Variants in RBM20 observed in about 807,000 individuals in gnomAD.
RBM20 encodes the protein RNA-binding protein 20.
RBM20 carries 51 observed loss-of-function variants against 110.1 expected under a neutral mutation model. The ratio of observed to expected loss-of-function variants is 0.46; its 90% CI spans 0.37 to 0.59. The LOEUF (loss-of-function observed/expected upper bound fraction) is 0.59, where lower values mean the gene tolerates loss of function less well. Ranked by LOEUF, RBM20 falls within the 20% of genes least tolerant of loss-of-function variation. The pLI is 0.00. For missense variants in RBM20, 1,512 were observed against 1,574.9 expected, an observed-to-expected ratio of 0.96 and a Z score of 0.68; for synonymous variants, 589 against 618.2, an observed-to-expected ratio of 0.95 and a Z score of 0.70.
At chr10:110,768,552 A>T (rs1264209312) in intron 1 of RBM20, among the ~76,000 whole-genome samples, 7 of 152,244 alleles carry the variant, frequency 4.6e-5, no homozygotes, top group Non-Finnish European at 1.0e-4. Flanking sequence ...ACACGGAAAC[A>T]TATACCATGT....
chr10:110,670,522 A>G (rs905388295), intron 1 of RBM20, among the ~76,000 whole-genome samples: 2 of 152,180 alleles, frequency 1.3e-5, no homozygotes, highest in Non-Finnish European at 2.9e-5. Context: ...GTGGGCATTG[A>G]TGCTAGGCCT....
At chr10:110,710,332 A>G (rs1464454245) in intron 1 of RBM20, among the ~76,000 whole-genome samples, 1 of 152,234 alleles carries the variant, frequency 6.6e-6, no homozygotes, top group Admixed American at 6.5e-5. Flanking sequence ...CAATAATCAG[A>G]CACTTCTGTA....
rs117651179 is a variant in RBM20 at position 110,783,273 on chromosome 10, G to T, written c.1276-93G>T. 1,500 of 961,066 alleles carry T rather than the reference G, an allele frequency of 1.6e-3. 38 individuals carry two copies. The East Asian group carries it at 0.038, about 24-fold the overall frequency. 59.5% of individuals were successfully genotyped at this position (961,066 alleles called of 1,614,324 possible). A position where few individuals can be genotyped will look rare whatever the true frequency, so the allele number is the denominator to read the frequency against. ...GGGTGGTCCAGCCTCTGGGCGCTCT[G>T]TGCTCCCTGCCTGACCAGTGTCTCT... On this transcript the variant is annotated intron_variant, in intron 2 of 13. Transcript: ENST00000369519.
At chr10:110,803,069 T>C (rs1429669305) in intron 7 of RBM20, among the ~76,000 whole-genome samples, 1 of 151,518 alleles carries the variant, frequency 6.6e-6, no homozygotes, top group Non-Finnish European at 1.5e-5. Flanking sequence ...ATTATAAGAG[T>C]ACAACAATAA....
intron 1 of RBM20, among the ~76,000 whole-genome samples, chr10:110,697,358 C>T (rs1026243005): frequency 1.1e-4 from 16 of 152,302 alleles, no homozygotes; most frequent in Middle Eastern, 6.8e-3. Context: ...GGGCTTGGCC[C>T]ATGAGTTTTC....
At chr10:110,718,808 GT>G (rs1843468394) in intron 1 of RBM20, among the ~76,000 whole-genome samples, 1 of 151,588 alleles carries the variant, frequency 6.6e-6, no homozygotes, top group Non-Finnish European at 1.5e-5. Flanking sequence ...TAGAGACAGG[GT>G]TTCACCATGT....
chr10:110,653,941 A>C (rs1310326467), intron 1 of RBM20, among the ~76,000 whole-genome samples: 2 of 152,204 alleles, frequency 1.3e-5, no homozygotes, highest in African/African-American at 4.8e-5. Flanking sequence ...TGGAGAATGA[A>C]CCATGATATG....
At position 110,821,942 on chromosome 10, in the gene RBM20, A is replaced by G. The variant is rs1357286246; in HGVS notation, c.3316+7A>G. On this transcript the variant is annotated splice_region_variant and intron_variant, in intron 11 of 13. Transcript: ENST00000369519. ...CAAGAAGTGTTGACCCCGGGTAACT[A>G]TCTCCCCTTTCCTCACGGGTGGTCG... 3 of 1,551,382 alleles carry G rather than the reference A, an allele frequency of 1.9e-6. No homozygotes were observed. The highest frequency in any genetic ancestry group is 2.6e-6 in the Non-Finnish European group (3 of 1,146,868).
chr10:110,683,246 T>G (rs1187882635), intron 1 of RBM20, among the ~76,000 whole-genome samples: 1 of 152,208 alleles, frequency 6.6e-6, no homozygotes, highest in Non-Finnish European at 1.5e-5. Context: ...TAAGACCTAA[T>G]AGGTCTGAAT....
At chr10:110,721,786 A>C (rs886214485) in intron 1 of RBM20, among the ~76,000 whole-genome samples, 1 of 152,306 alleles carries the variant, frequency 6.6e-6, no homozygotes, top group African/African-American at 2.4e-5. Flanking sequence ...GCCTATAAAT[A>C]GGTGTGATAA....
rs148593076 is a variant in RBM20 at position 110,679,828 on chromosome 10, G to A, written c.191+35183G>A. On this transcript the variant is annotated intron_variant, in intron 1 of 13. Coordinates refer to ENST00000369519, the MANE Select transcript of RBM20 (RefSeq NM_001134363.3). The stretch of plus-strand genomic sequence containing the variant: ...CTGATGGACTGGGGCACATGCAGAC[G>A]CACTTCCCAGCCAGGCAGACAGACC... Among the ~76,000 whole-genome samples the A allele has an allele frequency of 6.6e-5, 10 of 152,280 alleles. No individual in the cohort carries two copies. In the East Asian group the frequency reaches 7.7e-4, roughly 12 times the overall value.
At chr10:110,753,804 G>T (rs1009996066) in intron 1 of RBM20, among the ~76,000 whole-genome samples, 5 of 152,184 alleles carry the variant, frequency 3.3e-5, no homozygotes, top group Admixed American at 6.5e-5. Context: ...TCTTTTCCCA[G>T]CATTGCGATG....
At chr10:110,816,054 C>A (rs189381063) in intron 9 of RBM20, among the ~76,000 whole-genome samples, 2 of 152,310 alleles carry the variant, frequency 1.3e-5, no homozygotes, top group African/African-American at 4.8e-5. Context: ...TAACAGGTGG[C>A]AACTGAACTT....
At chr10:110,759,160 G>A (rs1267488772) in intron 1 of RBM20, among the ~76,000 whole-genome samples, 1 of 152,196 alleles carries the variant, frequency 6.6e-6, no homozygotes, top group Non-Finnish European at 1.5e-5. Context: ...TTTCGGCGCT[G>A]AGCTTGTTCG....
At chr10:110,738,363 G>T (rs141032942) in intron 1 of RBM20, among the ~76,000 whole-genome samples, 6 of 152,114 alleles carry the variant, frequency 3.9e-5, no homozygotes. Flanking sequence ...GGAGGGGTCT[G>T]GGGGGAGCAT....
At chr10:110,684,057 G>C (rs1373336746) in intron 1 of RBM20, among the ~76,000 whole-genome samples, 1 of 152,192 alleles carries the variant, frequency 6.6e-6, no homozygotes, top group Non-Finnish European at 1.5e-5. Context: ...GAAAGTCATG[G>C]AAATAATTTT....
At chr10:110,694,555 T>A (rs1266083968) in intron 1 of RBM20, among the ~76,000 whole-genome samples, 1 of 152,144 alleles carries the variant, frequency 6.6e-6, no homozygotes, top group Non-Finnish European at 1.5e-5. Context: ...AAAATGGGAA[T>A]CTAACCATTT....
intron 5 of RBM20, among the ~76,000 whole-genome samples, chr10:110,791,225 A>T (rs1844479068): frequency 6.6e-6 from 1 of 152,236 alleles, no homozygotes; most frequent in Non-Finnish European, 1.5e-5. Flanking sequence ...AATCAACATC[A>T]TGAGAGATAA....
chr10:110,740,741 C>A (rs983312154), intron 1 of RBM20, among the ~76,000 whole-genome samples: 2 of 152,142 alleles, frequency 1.3e-5, no homozygotes, highest in African/African-American at 4.8e-5. Context: ...AGTAGGATGG[C>A]AGCAGATATA....
Sources: allele counts gnomAD v4.1 joint callset (sites outside exome capture counted in the v4.1 genomes callset), GRCh38; gene constraint gnomAD v4.1.1; transcripts MANE v1.5; gene names NCBI Gene and HGNC (gene_info 2026-07-23, HGNC 2026-07-21).